Variants in NCOR1 observed in about 807,000 individuals in gnomAD.
NCOR1 encodes nuclear receptor corepressor 1, also known as protein phosphatase 1, regulatory subunit 109.
Under a neutral mutation model 288.1 loss-of-function variants are expected in NCOR1, and 63 were observed. The ratio of observed to expected loss-of-function variants is 0.22; its 90% CI spans 0.18 to 0.27. The LOEUF is 0.27. Among genes scored for constraint, NCOR1 ranks in the 10% least tolerant of loss-of-function variants. The pLI is 1.00. For synonymous variants in NCOR1, 1,007 were observed against 1,065.9 expected, an observed-to-expected ratio of 0.94 and a Z score of 1.08; for missense variants, 2,397 against 3,019.2, an observed-to-expected ratio of 0.79 and a Z score of 4.83.
intron 18 of NCOR1, among the ~76,000 whole-genome samples, chr17:16,113,919 T>A (rs2070914715): frequency 6.6e-6 from 1 of 151,850 alleles, no homozygotes; most frequent in African/African-American, 2.4e-5. Flanking sequence ...GAAAAAAATC[T>A]GTAACCTATC....
At chr17:16,183,280 C>A (rs977565087) in intron 3 of NCOR1, among the ~76,000 whole-genome samples, 1 of 146,166 alleles carries the variant, frequency 6.8e-6, no homozygotes, top group African/African-American at 2.5e-5. Flanking sequence ...AAAAGGCATC[C>A]AGTCAGAAAG....
chr17:16,151,906 G>A (rs760924306), intron 8 of NCOR1, 40 bp downstream of exon 8: 12 of 1,403,480 alleles, frequency 8.6e-6, no homozygotes, highest in East Asian at 2.3e-5. Context: ...TAGAATATAC[G>A]GTCTTTAATT....
intron 21 of NCOR1, 119 bp downstream of exon 21, chr17:16,098,248 C>T: frequency 1.0e-6 from 1 of 971,608 alleles, no homozygotes; most frequent in Non-Finnish European, 1.6e-6. Flanking sequence ...TTATTAATTT[C>T]ATGTTATGTT....
intron 23 of NCOR1, among the ~76,000 whole-genome samples, chr17:16,084,980 T>G (rs975618970): frequency 1.3e-5 from 2 of 152,066 alleles, no homozygotes; most frequent in Non-Finnish European, 2.9e-5. Flanking sequence ...ATTTGAAACT[T>G]CTCATCAAAA....
chr17:16,192,511 C>G (rs1600288014), intron 2 of NCOR1, among the ~76,000 whole-genome samples: 2 of 152,122 alleles, frequency 1.3e-5, no homozygotes, highest in African/African-American at 4.8e-5. Context: ...CAAAAATTAC[C>G]TGGGTGTGGC....
chr17:16,166,677 C>T (rs1458771851), intron 4 of NCOR1, among the ~76,000 whole-genome samples: 1 of 150,886 alleles, frequency 6.6e-6, no homozygotes, highest in Non-Finnish European at 1.5e-5. Context: ...AAGACTCCAT[C>T]TCAAAAAAAA....
At chr17:16,032,567 T>C in intron 45 of NCOR1, 84 bp from the exon 46 acceptor site, 2 of 1,325,162 alleles carry the variant, frequency 1.5e-6, no homozygotes, top group South Asian at 3.0e-5. Flanking sequence ...TGGAGTAGAA[T>C]AGGATTATTG....
chr17:16,202,591 A>G (rs2090980145), intron 1 of NCOR1, among the ~76,000 whole-genome samples: 1 of 152,202 alleles, frequency 6.6e-6, no homozygotes, highest in African/African-American at 2.4e-5. Flanking sequence ...CCATTTACTG[A>G]GCTCTAGATA....
In NCOR1 at chr17:16,171,888, G is replaced by A. The variant is rs1311392972; in HGVS notation, c.350C>T (p.Ser117Phe). The change falls in exon 4 of 46, where the codon TCT (serine) becomes TTT (phenylalanine). Residue 117 changes from serine (S) to phenylalanine (F), a missense_variant. Physicochemically the swap from Ser to Phe is radical, Grantham distance 155. This residue lies in a region of NCOR1 where 110 missense variants were observed against 123.2 expected (regional missense o/e 0.89). Coordinates refer to ENST00000268712, the MANE Select transcript of NCOR1 (RefSeq NM_006311.4). ...KRPRLEQVSD[S>F]HFQRVSAAVL... ...CGCAGCACTGACACGCTGAAAATGA[G>A]AATCAGAAACCTGTTCCAGACGTGG... is the stretch of plus-strand genomic sequence containing the variant. 3.7e-6 allele frequency: 6 copies of A among 1,613,424 alleles called. No homozygotes were observed. Among genetic ancestry groups the A allele is most frequent in the Non-Finnish European group, 4.2e-6 (5 of 1,179,708 alleles).
chr17:16,203,071 A>ACACACACACACACT (rs900762304), intron 1 of NCOR1, among the ~76,000 whole-genome samples: 1 of 143,002 alleles, frequency 7.0e-6, no homozygotes, highest in African/African-American at 2.5e-5. Context: ...ACACACACAC[A>ACACACACACACACT]CTCTGAAGCT....
At chr17:16,129,335 C>T (rs1009385230) in intron 14 of NCOR1, among the ~76,000 whole-genome samples, 1 of 152,136 alleles carries the variant, frequency 6.6e-6, no homozygotes, top group African/African-American at 2.4e-5. Flanking sequence ...ACCTTTGAAC[C>T]CTTATTCTAT....
chr17:16,034,054 C>T (rs1973312052), intron 45 of NCOR1, among the ~76,000 whole-genome samples: 1 of 152,290 alleles, frequency 6.6e-6, no homozygotes, highest in Non-Finnish European at 1.5e-5. Flanking sequence ...TAGTATTTCC[C>T]TAAGAACTTT....
intron 14 of NCOR1, among the ~76,000 whole-genome samples, chr17:16,133,125 C>A (rs2075901009): frequency 6.6e-6 from 1 of 152,026 alleles, no homozygotes; most frequent in Admixed American, 6.6e-5. Flanking sequence ...TGCACCACCA[C>A]TCCAGGCTAA....
rs1201856296 is a variant in NCOR1, at chr17:16,031,771, T to C, written c.*525A>G. ...AAAGCTGAATTTAGAGGAAACAATATCAGATAAAAGTACAATGCCCGTGAC... is the reference window on the plus strand; with the variant it reads ...AAAGCTGAATTTAGAGGAAACAATACCAGATAAAAGTACAATGCCCGTGAC... On this transcript the variant is annotated 3_prime_UTR_variant, in exon 46 of 46. Coordinates refer to ENST00000268712, the MANE Select transcript of NCOR1 (RefSeq NM_006311.4). The C allele has an allele frequency of 2.6e-5, 6 of 230,386 alleles. No individual in the cohort carries two copies. In the East Asian group the frequency reaches 3.7e-4, roughly 14 times the overall value. 14.3% of individuals were successfully genotyped at this position (230,386 alleles called of 1,614,324 possible).
intron 12 of NCOR1, 104 bp from the exon 13 acceptor site, chr17:16,138,316 G>T: frequency 1.0e-6 from 1 of 969,576 alleles, no homozygotes. Context: ...TGGGCGTGGT[G>T]GCTCATGCCT....
intron 3 of NCOR1, among the ~76,000 whole-genome samples, chr17:16,181,205 A>ATATGTATG (rs138045717): frequency 0.012 from 1,190 of 99,020 alleles, 6 homozygotes; most frequent in African/African-American, 0.03. Context: ...GTATACATAT[A>ATATGTATG]TATGTATGTG....
chr17:16,138,268 A>AC, intron 12 of NCOR1, 56 bp from the exon 13 acceptor site: 1 of 1,435,974 alleles, frequency 7.0e-7, no homozygotes, highest in Non-Finnish European at 9.6e-7. Context: ...AACAACTAAA[A>AC]AAAAAAAAAC....
rs182147660 is a variant in NCOR1 at position 16,213,910 on chromosome 17, G to A, written c.-71+1452C>T. On this transcript the variant is annotated intron_variant, in intron 1 of 45. Coordinates refer to ENST00000268712, the MANE Select transcript of NCOR1 (RefSeq NM_006311.4). The stretch of plus-strand genomic sequence containing the variant: ...AGGAAAGAGTATTTTAGTATTGTAA[G>A]TAATCAGTTCCTACTGTGAGCATTT... 2.3e-4 allele frequency among the ~76,000 whole-genome samples: 35 copies of A among 152,306 alleles called. No homozygotes were observed. The East Asian group carries it at 6.6e-3, about 29-fold the overall frequency.
Position 16,061,710 on chromosome 17 carries a change from CTG to C in NCOR1, c.5570_5571del (p.Ser1857CysfsTer4). ...ARLEENLRSRSAAVSEQQQLE... is the reference protein window; with the variant it reads ...ARLEENLRSRXAAVSEQQQLE... ...AGCTGCTGCTGTTCACTAACTGCTG[CTG>C]ACCTGCTTCTCAAATTTTCTTCTAA... On this transcript the variant is annotated frameshift_variant, in exon 37 of 46. Coordinates refer to ENST00000268712, the MANE Select transcript of NCOR1 (RefSeq NM_006311.4). LOFTEE classifies it high-confidence loss of function. The C allele has an allele frequency of 1.2e-6, 2 of 1,614,236 alleles. No individual in the cohort carries two copies. The highest frequency in any genetic ancestry group is 4.5e-5 in the East Asian group (2 of 44,886).
Sources: gnomAD v4.1 joint callset for allele counts (sites outside exome capture counted in the v4.1 genomes callset) on GRCh38, gnomAD v4.1.1 for gene constraint, gnomAD v4.1.1 regional missense constraint, MANE v1.5 for transcripts, NCBI Gene and HGNC (gene_info 2026-07-23, HGNC 2026-07-21) for gene names.